Variants in SERTAD1 observed in about 807,000 individuals in gnomAD.
The protein encoded by SERTAD1 is SERTA domain-containing protein 1.
In SERTAD1, 5 loss-of-function variants were observed where a neutral mutation model predicts 11.7. The ratio of observed to expected loss-of-function variants is 0.43; its 90% confidence interval spans 0.22 to 0.90. The LOEUF (loss-of-function observed/expected upper bound fraction) is 0.90, where lower values mean the gene tolerates loss of function less well. Among genes scored for constraint, SERTAD1 ranks in the 40% least tolerant of loss-of-function variants. SERTAD1 has a pLI of 0.27. For synonymous variants in SERTAD1, 139 were observed against 141.4 expected (o/e 0.98, Z 0.12); for missense variants, 287 against 313.9 (o/e 0.91, Z 0.65).
chr19:40,423,658 C>T (rs985864669), intron 1 of SERTAD1, 112 bp from the exon 2 acceptor site: 2 of 636,724 alleles, frequency 3.1e-6, no homozygotes, highest in South Asian at 2.0e-5. Context: ...AGTCACTTAA[C>T]CTCTCTGTGC....
At chr19:40,424,621 G>C (rs2079609808) in intron 1 of SERTAD1, among the ~76,000 whole-genome samples, 1 of 152,214 alleles carries the variant, frequency 6.6e-6, no homozygotes, top group African/African-American at 2.4e-5. Flanking sequence ...GAAGGCTCCT[G>C]TAAGGAGGTG....
chr19:40,424,008 G>A (rs1025168402), intron 1 of SERTAD1, among the ~76,000 whole-genome samples: 1 of 152,004 alleles, frequency 6.6e-6, no homozygotes, highest in Non-Finnish European at 1.5e-5. Context: ...GATTACATGC[G>A]TGAGCCACCG....
intron 1 of SERTAD1, 21 bp from the exon 2 acceptor site, chr19:40,423,567 T>G: frequency 6.9e-7 from 1 of 1,443,340 alleles, no homozygotes. Context: ...CAGGGAGTTA[T>G]GGAGTTATAG....
At chr19:40,423,646 G>C (rs268686) in intron 1 of SERTAD1, 100 bp from the exon 2 acceptor site, 381,922 of 746,440 alleles carry the variant, frequency 0.51, 104,002 homozygotes, top group African/African-American at 0.84. Flanking sequence ...GGATCTTGGG[G>C]AAGTCACTTA....
intron 1 of SERTAD1, 39 bp downstream of exon 1, chr19:40,425,828 T>A (rs1054980934): frequency 8.5e-5 from 13 of 152,216 alleles, no homozygotes; most frequent in African/African-American, 2.9e-4. Context: ...ACCCGGCCGC[T>A]GGTAGCCCTT....
rs143056697 is a variant in SERTAD1 at position 40,423,434 on chromosome 19, G to A, written c.113C>T (p.Pro38Leu). The A allele has an allele frequency of 1.0e-4, 161 of 1,612,968 alleles. No individual in the cohort carries two copies. Among genetic ancestry groups the A allele is most frequent in the African/African-American group, 2.8e-4 (21 of 74,934 alleles). The change falls in exon 2 of 2, where the codon CCG becomes CTG. Residue 38 changes from proline to leucine, a missense_variant. By Grantham distance (98) the Pro-to-Leu change is moderately conservative. Transcript: ENST00000357949. ...PGHTAVAQAPPAVASSSLFDL... is the reference protein window; with the variant it reads ...PGHTAVAQAPLAVASSSLFDL... ...AAAGAGGGAGCTAGAGGCCACGGCC[G>A]GGGGTGCCTGTGCCACCGCTGTGTG...
Position 40,423,043 on chromosome 19 carries a change from A to T in SERTAD1, c.504T>A (p.Asp168Glu). The change falls in exon 2 of 2, where the codon GAT becomes GAA. Residue 168 changes from aspartate to glutamate, a missense_variant. Physicochemically the swap from Asp to Glu is conservative, Grantham distance 45. Transcript: ENST00000357949. ...TATCCTCAAACAGGCCCTCAAGCCC[A>T]TCGTCCAGTAGACAGCCAGTGGCTG... ...LGPATGCLLD[D>E]GLEGLFEDID... 1 of 1,576,378 alleles carries T rather than the reference A, an allele frequency of 6.3e-7. No individual in the cohort carries two copies. Among genetic ancestry groups the T allele is most frequent in the South Asian group, 1.2e-5 (1 of 86,610 alleles).
Position 40,422,905 on chromosome 19 carries a change from T to G in SERTAD1, c.642A>C (p.Glu214Asp). ...KEEAPELDEA[E>D]LDYLMDVLVG... ...CCAGCACATCCATGAGGTAGTCCAA[T>G]TCGGCCTCGTCCAGCTCCGGAGCTT... Residue 214 changes from glutamate to aspartate, a missense_variant, in exon 2 of 2, where the codon GAA becomes GAC. Physicochemically the swap from Glu to Asp is conservative, Grantham distance 45. Coordinates refer to ENST00000357949, the MANE Select transcript of SERTAD1 (RefSeq NM_013376.4). The G allele has an allele frequency of 6.2e-7, 1 of 1,613,398 alleles. No individual in the cohort carries two copies. Among genetic ancestry groups the G allele is most frequent in the Non-Finnish European group, 8.5e-7 (1 of 1,179,786 alleles).
chr19:40,422,831 A>C lies in SERTAD1; in HGVS notation c.*5T>G, dbSNP rs1201347836. 2.5e-6 allele frequency: 4 copies of C among 1,587,600 alleles called. No individual in the cohort carries two copies. The South Asian group carries it at 4.6e-5, about 18-fold the overall frequency. ...GATACCAGACAACCATTCCAGCACG[A>C]GGGCTCAGCGCCCTGGCCCCGGCGG... On this transcript the variant is annotated 3_prime_UTR_variant, in exon 2 of 2. Coordinates refer to ENST00000357949, the MANE Select transcript of SERTAD1 (RefSeq NM_013376.4).
Position 40,422,779 on chromosome 19 carries a change from G to A in SERTAD1, c.*57C>T. The A allele has an allele frequency of 6.7e-7, 1 of 1,497,666 alleles. No individual in the cohort carries two copies. The highest frequency in any genetic ancestry group is 8.9e-7 in the Non-Finnish European group (1 of 1,120,412). 92.8% of individuals were successfully genotyped at this position (1,497,666 alleles called of 1,614,324 possible). ...AGCCAGCTGTGTCTTTTCGAGGACA[G>A]TTGGTCCAGCCAGCAGGCTCAGTTC... On this transcript the variant is annotated 3_prime_UTR_variant, in exon 2 of 2. Coordinates refer to ENST00000357949, the MANE Select transcript of SERTAD1 (RefSeq NM_013376.4).
intron 1 of SERTAD1, among the ~76,000 whole-genome samples, chr19:40,424,964 G>A (rs1007921846): frequency 6.6e-6 from 1 of 152,172 alleles, no homozygotes; most frequent in Admixed American, 6.6e-5. Flanking sequence ...GTTTCCGGAA[G>A]ATCCCCCCCA....
chr19:40,423,451 C>T lies in SERTAD1; in HGVS notation c.96G>A (p.Ala32=), dbSNP rs151146859. 241 of 1,613,146 alleles carry T rather than the reference C, an allele frequency of 1.5e-4. No homozygotes were observed. The highest frequency in any genetic ancestry group is 4.3e-4 in the Admixed American group (26 of 60,024). The change falls in exon 2 of 2, where the codon GCG becomes GCA. Residue 32 remains alanine, a synonymous_variant. Coordinates refer to ENST00000357949, the MANE Select transcript of SERTAD1 (RefSeq NM_013376.4). ...CCACGGCCGGGGGTGCCTGTGCCAC[C>T]GCTGTGTGGCCAGGATCTAGCCACC... is the stretch of plus-strand genomic sequence containing the variant. ...DSWWLDPGHT[A]VAQAPPAVAS... is the part of the protein sequence containing the mutation.
chr19:40,424,054 A>G (rs2079608176), intron 1 of SERTAD1, among the ~76,000 whole-genome samples: 1 of 152,030 alleles, frequency 6.6e-6, no homozygotes, highest in South Asian at 2.1e-4. Context: ...TTTAAATTTT[A>G]TATTTAAGTA....
rs530723602 is a variant in SERTAD1 at position 40,422,855 on chromosome 19, G to A, written c.692C>T (p.Pro231Leu). The part of the protein sequence containing the change: ...VLVGTQALER[P>L]PGPGR ...GAGGGCTCAGCGCCCTGGCCCCGGC[G>A]GTCGCTCCAGTGCCTGTGTGCCCAC... Residue 231 changes from proline (P) to leucine (L), a missense_variant, in exon 2 of 2, where the codon CCG becomes CTG. Physicochemically the swap from Pro to Leu is moderately conservative, Grantham distance 98. Coordinates refer to ENST00000357949, the MANE Select transcript of SERTAD1 (RefSeq NM_013376.4). 2.6e-5 allele frequency: 41 copies of A among 1,602,182 alleles called. No individual in the cohort carries two copies. The highest frequency in any genetic ancestry group is 5.1e-5 in the Admixed American group (3 of 59,348).
Position 40,423,200 on chromosome 19 carries a change from G to T in SERTAD1, c.347C>A (p.Ala116Asp). 2 of 1,600,586 alleles carry T rather than the reference G, an allele frequency of 1.2e-6. No individual in the cohort carries two copies. The highest frequency in any genetic ancestry group is 1.7e-6 in the Non-Finnish European group (2 of 1,172,042). The change falls in exon 2 of 2, where the codon GCC (alanine) becomes GAC (aspartate). Residue 116 changes from alanine to aspartate, a missense_variant. Physicochemically the swap from Ala to Asp is moderately radical, Grantham distance 126 (BLOSUM62 -2). Transcript: ENST00000357949. ...SSDAALSASM[A>D]SLLEDLSHIE... ...GTGGCTGAGGTCCTCCAGGAGGCTG[G>T]CCATGGAGGCTGAAAGGGCAGCGTC... is the stretch of plus-strand genomic sequence containing the variant.
chr19:40,422,805 A>G lies in SERTAD1; in HGVS notation c.*31T>C, dbSNP rs1268595701. ...TTGGTCCAGCCAGCAGGCTCAGTTC[A>G]GATACCAGACAACCATTCCAGCACG... On this transcript the variant is annotated 3_prime_UTR_variant, in exon 2 of 2. Transcript: ENST00000357949. 1.9e-6 allele frequency: 3 copies of G among 1,555,442 alleles called. No homozygotes were observed. Among genetic ancestry groups the G allele is most frequent in the Non-Finnish European group, 1.7e-6 (2 of 1,149,876 alleles).
At chr19:40,423,751 G>A (rs545774246) in intron 1 of SERTAD1, among the ~76,000 whole-genome samples, 13 of 152,072 alleles carry the variant, frequency 8.5e-5, no homozygotes, top group African/African-American at 3.1e-4. Flanking sequence ...TTTTGAGATG[G>A]AGTCTCGCTC....
chr19:40,424,090 A>G (rs571087814), intron 1 of SERTAD1, among the ~76,000 whole-genome samples: 38 of 152,010 alleles, frequency 2.5e-4, no homozygotes, highest in African/African-American at 9.2e-4. Flanking sequence ...TTATCTGAAA[A>G]AATAAAGATG....
At position 40,423,438 on chromosome 19, in the gene SERTAD1, G is replaced by A. The variant is rs773784248; in HGVS notation, c.109C>T (p.Pro37Ser). ...AGGGAGCTAGAGGCCACGGCCGGGG[G>A]TGCCTGTGCCACCGCTGTGTGGCCA... ...DPGHTAVAQA[P>S]PAVASSSLFD... Residue 37 changes from proline (P) to serine (S), a missense_variant, in exon 2 of 2, where the codon CCC (proline) becomes TCC (serine). By Grantham distance (74) the Pro-to-Ser change is moderately conservative. Coordinates refer to ENST00000357949, the MANE Select transcript of SERTAD1 (RefSeq NM_013376.4). The A allele has an allele frequency of 1.9e-6, 3 of 1,613,134 alleles. No individual in the cohort carries two copies. Among genetic ancestry groups the A allele is most frequent in the Admixed American group, 1.7e-5 (1 of 60,008 alleles).
Sources: allele counts gnomAD v4.1 joint callset (sites outside exome capture counted in the v4.1 genomes callset), GRCh38; gene constraint gnomAD v4.1.1; transcripts MANE v1.5; gene names NCBI Gene and HGNC (gene_info 2026-07-23, HGNC 2026-07-21).